Variants in SRD5A2 observed in about 807,000 individuals in gnomAD.
SRD5A2 encodes the protein steroid 5 alpha-reductase 2.
Under a neutral mutation model 27.4 loss-of-function variants are expected in SRD5A2, and 30 were observed. The ratio of observed to expected loss-of-function variants is 1.10; its 90% confidence interval spans 0.82 to 1.49. SRD5A2 has a LOEUF of 1.49. Among genes scored for constraint, SRD5A2 ranks in the 40% most tolerant of loss-of-function variants. SRD5A2 has a pLI of 0.00. For synonymous variants in SRD5A2, 141 were observed against 133.6 expected (o/e 1.06, Z -0.38); for missense variants, 348 against 323.4 (o/e 1.08, Z -0.58).
the SRD5A2 span, among the ~76,000 whole-genome samples, chr2:31,644,966 CT>C: frequency 6.6e-6 from 1 of 152,170 alleles, no homozygotes; most frequent in Admixed American, 6.5e-5. Flanking sequence ...TATCTCAAAA[CT>C]GAGTTAATGT....
At chr2:31,610,249 A>G in the SRD5A2 span, among the ~76,000 whole-genome samples, 1 of 152,304 alleles carries the variant, frequency 6.6e-6, no homozygotes, top group Non-Finnish European at 1.5e-5. Context: ...ATACTGATGA[A>G]GACAGATTCA....
At chr2:31,560,092 T>C (rs940785653) in intron 1 of SRD5A2, among the ~76,000 whole-genome samples, 2 of 137,808 alleles carry the variant, frequency 1.5e-5, no homozygotes, top group Admixed American at 7.3e-5. Context: ...TCATTGACCA[T>C]TGGGAATCAA....
intron 1 of SRD5A2, among the ~76,000 whole-genome samples, chr2:31,536,954 GT>G (rs138689917): frequency 2.0e-5 from 3 of 152,142 alleles, no homozygotes; most frequent in Non-Finnish European, 4.4e-5. Context: ...TAAATATAAA[GT>G]TTTTTTATCA....
the SRD5A2 span, among the ~76,000 whole-genome samples, chr2:31,644,365 G>C: frequency 6.6e-6 from 1 of 152,214 alleles, no homozygotes; most frequent in Admixed American, 6.5e-5. Context: ...AGCCAGGACA[G>C]ATGGAGGAAG....
At chr2:31,541,655 T>C (rs1666131896) in intron 1 of SRD5A2, among the ~76,000 whole-genome samples, 1 of 152,086 alleles carries the variant, frequency 6.6e-6, no homozygotes, top group African/African-American at 2.4e-5. Flanking sequence ...TTTAACTTCA[T>C]ATTGCTGAAA....
chr2:31,571,177 T>C (rs1373492816), intron 1 of SRD5A2, among the ~76,000 whole-genome samples: 1 of 152,072 alleles, frequency 6.6e-6, no homozygotes, highest in Non-Finnish European at 1.5e-5. Context: ...AACAGACATA[T>C]AGACCAATGG....
At chr2:31,624,722 G>A in the SRD5A2 span, among the ~76,000 whole-genome samples, 2 of 152,148 alleles carry the variant, frequency 1.3e-5, no homozygotes, top group African/African-American at 2.4e-5. Flanking sequence ...ATTCCATGGT[G>A]TATAGGTGTC....
intron 1 of SRD5A2, among the ~76,000 whole-genome samples, chr2:31,562,489 TATTA>T (rs1666644989): frequency 6.6e-6 from 1 of 152,182 alleles, no homozygotes; most frequent in South Asian, 2.1e-4. Flanking sequence ...AATCTAATCA[TATTA>T]ATGTACCCAT....
the SRD5A2 span, among the ~76,000 whole-genome samples, chr2:31,646,963 G>T: frequency 6.6e-6 from 1 of 152,026 alleles, no homozygotes; most frequent in Non-Finnish European, 1.5e-5. Context: ...CCTGGCCAAT[G>T]TGACAAAACC....
chr2:31,608,236 G>A, the SRD5A2 span, among the ~76,000 whole-genome samples: 1 of 151,950 alleles, frequency 6.6e-6, no homozygotes, highest in Non-Finnish European at 1.5e-5. Context: ...ATAGAGAGAT[G>A]AATTTACTAA....
the SRD5A2 span, among the ~76,000 whole-genome samples, chr2:31,611,799 T>A: frequency 1.3e-5 from 2 of 152,156 alleles, no homozygotes; most frequent in African/African-American, 4.8e-5. Context: ...CCCAGAAATT[T>A]CACTACTTAT....
intron 3 of SRD5A2, among the ~76,000 whole-genome samples, chr2:31,530,552 T>C (rs1382231408): frequency 6.6e-6 from 1 of 152,214 alleles, no homozygotes; most frequent in African/African-American, 2.4e-5. Flanking sequence ...AACATTCAAA[T>C]TCATTTGAAT....
chr2:31,572,706 T>C (rs529278373), intron 1 of SRD5A2, among the ~76,000 whole-genome samples: 5 of 152,224 alleles, frequency 3.3e-5, no homozygotes, highest in South Asian at 2.1e-4. Flanking sequence ...TTTTAAAAGA[T>C]AGAAGTAAGA....
intron 1 of SRD5A2, among the ~76,000 whole-genome samples, chr2:31,547,572 T>C (rs28383017): frequency 0.044 from 6,770 of 152,348 alleles, 276 homozygotes; most frequent in African/African-American, 0.096. Context: ...ATGGGCTATA[T>C]ACCATGGTAG....
At chr2:31,631,164 G>C in the SRD5A2 span, among the ~76,000 whole-genome samples, 2 of 152,122 alleles carry the variant, frequency 1.3e-5, no homozygotes, top group East Asian at 3.9e-4. Context: ...GGGGCGTCTG[G>C]GTTGTTATGA....
At chr2:31,631,855 A>G in the SRD5A2 span, among the ~76,000 whole-genome samples, 1 of 152,194 alleles carries the variant, frequency 6.6e-6, no homozygotes, top group African/African-American at 2.4e-5. Flanking sequence ...TCATTGGGAC[A>G]CAGAATCAGA....
At chr2:31,656,741 G>A in the SRD5A2 span, among the ~76,000 whole-genome samples, 1 of 152,130 alleles carries the variant, frequency 6.6e-6, no homozygotes, top group Non-Finnish European at 1.5e-5. Flanking sequence ...CGAGAACTTT[G>A]AGAAACACAT....
chr2:31,574,084 G>C (rs577888424), intron 1 of SRD5A2, among the ~76,000 whole-genome samples: 39 of 152,340 alleles, frequency 2.6e-4, no homozygotes, highest in Non-Finnish European at 5.4e-4. Flanking sequence ...AATGTTCAGT[G>C]GCCTGGCGGG....
the SRD5A2 span, among the ~76,000 whole-genome samples, chr2:31,626,388 T>C: frequency 2.0e-5 from 3 of 152,142 alleles, no homozygotes; most frequent in Non-Finnish European, 4.4e-5. Flanking sequence ...GAACTTCCAA[T>C]ACTATGTTGA....
Sources: allele counts gnomAD v4.1 joint callset (sites outside exome capture counted in the v4.1 genomes callset), GRCh38; gene constraint gnomAD v4.1.1; transcripts MANE v1.5; gene names NCBI Gene and HGNC (gene_info 2026-07-23, HGNC 2026-07-21).